Variants in PLCB1 observed in about 807,000 individuals in gnomAD.
The protein encoded by PLCB1 is 1-phosphatidylinositol 4,5-bisphosphate phosphodiesterase beta-1.
In PLCB1, 46 loss-of-function variants were observed where a neutral mutation model predicts 161.8. That is an observed-to-expected ratio of 0.28 (90% CI 0.22 to 0.36). The LOEUF (loss-of-function observed/expected upper bound fraction) is 0.36. Ranked by LOEUF, PLCB1 falls within the 10% of genes least tolerant of loss-of-function variation. The pLI is 1.00. For synonymous variants in PLCB1, 517 were observed against 503.7 expected, an observed-to-expected ratio of 1.03 and a Z score of -0.35; for missense variants, 1,016 against 1,472.5, an observed-to-expected ratio of 0.69 and a Z score of 5.07.
chr20:8,320,333 G>T (rs1407836467), intron 2 of PLCB1, among the ~76,000 whole-genome samples: 5 of 152,174 alleles, frequency 3.3e-5, no homozygotes, highest in Admixed American at 3.3e-4. Context: ...GCCAGACTCA[G>T]TTCTAGGAGC....
At chr20:8,175,256 A>G (rs1387304428) in intron 2 of PLCB1, among the ~76,000 whole-genome samples, 2 of 152,170 alleles carry the variant, frequency 1.3e-5, no homozygotes, top group Non-Finnish European at 2.9e-5. Flanking sequence ...TAAATGGAAA[A>G]CAAATAATAA....
chr20:8,210,305 A>G (rs1343098022), intron 2 of PLCB1, among the ~76,000 whole-genome samples: 1 of 152,098 alleles, frequency 6.6e-6, no homozygotes, highest in African/African-American at 2.4e-5. Flanking sequence ...ATGGGTGGTA[A>G]TGGAAGTCTG....
chr20:8,386,916 T>C (rs921046741), intron 3 of PLCB1, among the ~76,000 whole-genome samples: 4 of 152,194 alleles, frequency 2.6e-5, no homozygotes, highest in African/African-American at 9.6e-5. Flanking sequence ...CACTGCTAGC[T>C]TCATACTTTT....
chr20:8,140,450 T>C (rs8114499), intron 1 of PLCB1, among the ~76,000 whole-genome samples: 21,599 of 152,212 alleles, frequency 0.14, 1,750 homozygotes, highest in East Asian at 0.28. Flanking sequence ...TCAGTACTAC[T>C]GTTGAGTAAA....
chr20:8,649,487 C>G, intron 7 of PLCB1, 38 bp downstream of exon 7: 2 of 1,437,184 alleles, frequency 1.4e-6, no homozygotes, highest in South Asian at 2.3e-5. Context: ...GAATGTTCAG[C>G]CCCTCCAAAA....
At chr20:8,561,348 C>G (rs568724503) in intron 3 of PLCB1, among the ~76,000 whole-genome samples, 1 of 152,016 alleles carries the variant, frequency 6.6e-6, no homozygotes, top group African/African-American at 2.4e-5. Context: ...TTTTGCAACT[C>G]ATGCAGGGGG....
chr20:8,608,828 T>A (rs1379482943), intron 3 of PLCB1, among the ~76,000 whole-genome samples: 2 of 152,222 alleles, frequency 1.3e-5, no homozygotes, highest in East Asian at 3.9e-4. Context: ...TTAATTATAG[T>A]TTCTTAAATT....
At chr20:8,613,410 C>T (rs893532761) in intron 3 of PLCB1, among the ~76,000 whole-genome samples, 2 of 152,098 alleles carry the variant, frequency 1.3e-5, no homozygotes, top group Non-Finnish European at 2.9e-5. Flanking sequence ...GGACATTAGC[C>T]GTGTCTGTTA....
In PLCB1 at chr20:8,529,040, TATCA is replaced by T. The variant is rs1373674108; in HGVS notation, c.247-99253_247-99250del. Among the ~76,000 whole-genome samples the T allele has an allele frequency of 7.6e-3, 1,153 of 152,174 alleles. 27 individuals are homozygous for T. Among genetic ancestry groups the T allele is most frequent in the African/African-American group, 0.027 (1,108 of 41,534 alleles). On this transcript the variant is annotated intron_variant, in intron 3 of 31. Coordinates refer to ENST00000338037, the MANE Select transcript of PLCB1 (RefSeq NM_015192.4). ...TGGTTTGTACTTCCAGTCCCTTCAGTATCAGATGTTTATCATATATCAAAATCAC... is the reference window on the plus strand; with the variant it reads ...TGGTTTGTACTTCCAGTCCCTTCAGTGATGTTTATCATATATCAAAATCAC...
At position 8,523,490 on chromosome 20, in the gene PLCB1, CTCTCTCTATATATATA is replaced by C. The variant is rs1480916286; in HGVS notation, c.247-104802_247-104787del. On this transcript the variant is annotated intron_variant, in intron 3 of 31. Coordinates refer to ENST00000338037, the MANE Select transcript of PLCB1 (RefSeq NM_015192.4). ...GCTCTCTCTCTCTCTCTCTCTCTCT[CTCTCTCTATATATATA>C]TATATATATATATATGGAGAGAGAC... Among the ~76,000 whole-genome samples the C allele has an allele frequency of 2.1e-4, 14 of 67,724 alleles. 1 individual carries two copies. Among genetic ancestry groups the C allele is most frequent in the South Asian group, 1.9e-3 (4 of 2,150 alleles). The allele number at this position is 67,724 out of a possible 152,430, so 44.4% of individuals were successfully genotyped here. A position where few individuals can be genotyped will look rare whatever the true frequency, so the allele number is the denominator to read the frequency against.
At chr20:8,318,213 G>A (rs6140598) in intron 2 of PLCB1, among the ~76,000 whole-genome samples, 1 of 151,852 alleles carries the variant, frequency 6.6e-6, no homozygotes, top group Non-Finnish European at 1.5e-5. Context: ...ATGACTTCTA[G>A]GACTTAAAAG....
At chr20:8,283,736 C>T (rs982141656) in intron 2 of PLCB1, among the ~76,000 whole-genome samples, 18 of 151,906 alleles carry the variant, frequency 1.2e-4, no homozygotes, top group Non-Finnish European at 1.8e-4. Context: ...AAATATTTCT[C>T]ACTACTAAAT....
At chr20:8,371,259 T>A (rs1394849944) in intron 2 of PLCB1, 123 bp from the exon 3 acceptor site, 5 of 616,514 alleles carry the variant, frequency 8.1e-6, no homozygotes, top group Non-Finnish European at 1.4e-5. Flanking sequence ...GAAAGAAATA[T>A]CCCAACTGCA....
chr20:8,231,039 T>C (rs907638091), intron 2 of PLCB1, among the ~76,000 whole-genome samples: 6 of 151,536 alleles, frequency 4.0e-5, no homozygotes, highest in African/African-American at 1.5e-4. Context: ...CTCTCCATAA[T>C]CTTCAACTAA....
intron 31 of PLCB1, among the ~76,000 whole-genome samples, chr20:8,874,232 A>ACG (rs1987701475): frequency 5.3e-5 from 7 of 131,730 alleles, no homozygotes; most frequent in African/African-American, 2.0e-4. Context: ...ATGTACACAC[A>ACG]CACACACACA....
At chr20:8,567,647 C>T (rs563423757) in intron 3 of PLCB1, among the ~76,000 whole-genome samples, 3 of 152,092 alleles carry the variant, frequency 2.0e-5, no homozygotes, top group South Asian at 2.1e-4. Context: ...CATTAGTAGT[C>T]GAAACTTCAT....
At chr20:8,417,872 G>A (rs1189199597) in intron 3 of PLCB1, among the ~76,000 whole-genome samples, 1 of 152,176 alleles carries the variant, frequency 6.6e-6, no homozygotes, top group Non-Finnish European at 1.5e-5. Context: ...AAACTGAAAT[G>A]AGCCTACAGT....
chr20:8,261,548 C>T (rs760341406), intron 2 of PLCB1, among the ~76,000 whole-genome samples: 25 of 152,042 alleles, frequency 1.6e-4, no homozygotes, highest in East Asian at 3.9e-4. Flanking sequence ...GTGAAATGAA[C>T]GTGATCTTTC....
intron 2 of PLCB1, among the ~76,000 whole-genome samples, chr20:8,288,358 T>C (rs1167028423): frequency 6.6e-6 from 1 of 152,206 alleles, no homozygotes; most frequent in Non-Finnish European, 1.5e-5. Context: ...TACTATTTTT[T>C]GTCAGACGGT....
Sources: allele counts gnomAD v4.1 joint callset (sites outside exome capture counted in the v4.1 genomes callset), GRCh38; gene constraint gnomAD v4.1.1; transcripts MANE v1.5; gene names NCBI Gene and HGNC (gene_info 2026-07-23, HGNC 2026-07-21).